The following CTNNA2 variants were observed in gnomAD, a reference collection of about 807,000 sequenced individuals.
CTNNA2 encodes the protein catenin alpha-2.
In CTNNA2, 42 loss-of-function variants were observed where a neutral mutation model predicts 101.0. That is an observed-to-expected ratio of 0.42 (90% CI 0.32 to 0.54). The LOEUF is 0.54. Among genes scored for constraint, CTNNA2 ranks in the 20% least tolerant of loss-of-function variants. The pLI is 0.14. For synonymous variants in CTNNA2, 450 were observed against 456.4 expected, an observed-to-expected ratio of 0.99 and a Z score of 0.18; for missense variants, 871 against 1,223.1, an observed-to-expected ratio of 0.71 and a Z score of 4.29.
At chr2:79,474,415 C>T (rs776084149) in intron 4 of CTNNA2, among the ~76,000 whole-genome samples, 1 of 152,050 alleles carries the variant, frequency 6.6e-6, no homozygotes, top group Non-Finnish European at 1.5e-5. Flanking sequence ...CTGCATATGA[C>T]ATGGTTTCAT....
intron 7 of CTNNA2, among the ~76,000 whole-genome samples, chr2:80,009,112 A>G (rs1363242334): frequency 6.6e-6 from 1 of 152,210 alleles, no homozygotes; most frequent in Non-Finnish European, 1.5e-5. Flanking sequence ...AGAGGACAGA[A>G]TGAAAGGCAG....
chr2:80,373,334 G>A (rs1442794384), intron 7 of CTNNA2, among the ~76,000 whole-genome samples: 1 of 152,160 alleles, frequency 6.6e-6, no homozygotes, highest in Non-Finnish European at 1.5e-5. Flanking sequence ...CAAGCACACA[G>A]CTACCCACTG....
chr2:80,448,843 C>T (rs976781142), intron 9 of CTNNA2, among the ~76,000 whole-genome samples: 2 of 151,946 alleles, frequency 1.3e-5, no homozygotes, highest in African/African-American at 4.8e-5. Flanking sequence ...GACAGGGCAG[C>T]GATATTGCCT....
intron 7 of CTNNA2, among the ~76,000 whole-genome samples, chr2:79,916,216 C>T (rs78257379): frequency 1.6e-4 from 25 of 152,182 alleles, no homozygotes; most frequent in Non-Finnish European, 2.9e-4. Context: ...TGTGGGCAAT[C>T]GAGATCGAAT....
chr2:79,313,961 A>T (rs1676439492), intron 3 of CTNNA2, among the ~76,000 whole-genome samples: 1 of 152,156 alleles, frequency 6.6e-6, no homozygotes, highest in African/African-American at 2.4e-5. Flanking sequence ...AGCCTCTCTC[A>T]CATGGGGACT....
chr2:80,311,905 A>G (rs1034677597), intron 7 of CTNNA2, among the ~76,000 whole-genome samples: 1 of 152,240 alleles, frequency 6.6e-6, no homozygotes, highest in Non-Finnish European at 1.5e-5. Flanking sequence ...CTATCACTTT[A>G]CCAAGACATT....
At chr2:79,490,800 C>T (rs1438516473) in intron 4 of CTNNA2, among the ~76,000 whole-genome samples, 4 of 151,914 alleles carry the variant, frequency 2.6e-5, no homozygotes, top group African/African-American at 9.7e-5. Context: ...TGTTATGATC[C>T]CTTAGAGGAG....
chr2:80,142,910 G>A (rs1369835857), intron 7 of CTNNA2, among the ~76,000 whole-genome samples: 2 of 145,850 alleles, frequency 1.4e-5, no homozygotes, highest in East Asian at 2.0e-4. Context: ...ATTAACTACC[G>A]TTGACAATGC....
At chr2:80,646,384 C>G (rs534139977) in intron 18 of CTNNA2, among the ~76,000 whole-genome samples, 45 of 152,220 alleles carry the variant, frequency 3.0e-4, no homozygotes, top group Admixed American at 2.8e-3. Context: ...AAAGATCAGA[C>G]TATGCTCAAA....
chr2:79,398,865 A>T (rs940788685), intron 4 of CTNNA2, among the ~76,000 whole-genome samples: 5 of 151,938 alleles, frequency 3.3e-5, no homozygotes, highest in African/African-American at 9.7e-5. Flanking sequence ...AAAAAAAAGA[A>T]AAAAAGTTGA....
chr2:80,125,258 G>A (rs1702050554), intron 7 of CTNNA2, among the ~76,000 whole-genome samples: 1 of 152,070 alleles, frequency 6.6e-6, no homozygotes, highest in Non-Finnish European at 1.5e-5. Context: ...TGACAAGTCT[G>A]GGCTCAATCA....
intron 9 of CTNNA2, among the ~76,000 whole-genome samples, chr2:80,491,965 TG>T (rs1389251992): frequency 6.6e-6 from 1 of 151,896 alleles, no homozygotes; most frequent in Non-Finnish European, 1.5e-5. Flanking sequence ...AGGAGAGAGG[TG>T]GGCAAACAGA....
chr2:79,809,499 T>G (rs35354826), intron 3 of CTNNA2, among the ~76,000 whole-genome samples: 29,123 of 152,182 alleles, frequency 0.19, 3,270 homozygotes, highest in African/African-American at 0.31. Context: ...GCATGAGATG[T>G]TATCTCATGT....
intron 7 of CTNNA2, among the ~76,000 whole-genome samples, chr2:80,343,198 G>T (rs1318263548): frequency 6.6e-6 from 1 of 152,114 alleles, no homozygotes; most frequent in Non-Finnish European, 1.5e-5. Context: ...CAGTTGGAGA[G>T]ACACAATTCA....
intron 7 of CTNNA2, among the ~76,000 whole-genome samples, chr2:80,031,101 AG>A (rs1695258864): frequency 6.6e-6 from 1 of 152,204 alleles, no homozygotes; most frequent in African/African-American, 2.4e-5. Flanking sequence ...TCCCATTTCC[AG>A]GCATAAATCC....
chr2:79,751,332 G>A (rs1477996871), intron 3 of CTNNA2, among the ~76,000 whole-genome samples: 2 of 152,122 alleles, frequency 1.3e-5, no homozygotes, highest in Non-Finnish European at 2.9e-5. Flanking sequence ...GGTGGCACAT[G>A]CCTGTAATCC....
chr2:79,373,106 C>T (rs550518962), intron 3 of CTNNA2, among the ~76,000 whole-genome samples: 32 of 152,190 alleles, frequency 2.1e-4, no homozygotes, highest in East Asian at 9.7e-4. Flanking sequence ...TAATGGTTTG[C>T]GTTGTGAATT....
At chr2:79,863,605 A>G (rs1040975359) in intron 4 of CTNNA2, among the ~76,000 whole-genome samples, 4 of 152,238 alleles carry the variant, frequency 2.6e-5, no homozygotes, top group African/African-American at 9.6e-5. Context: ...AATAATTCTT[A>G]ACACTAATAG....
At chr2:79,400,909 C>G (rs1384655467) in intron 4 of CTNNA2, among the ~76,000 whole-genome samples, 3 of 151,942 alleles carry the variant, frequency 2.0e-5, no homozygotes, top group Admixed American at 6.6e-5. Flanking sequence ...AGCAAGTCAT[C>G]ATGTGTAATC....
Sources: gnomAD v4.1 joint callset for allele counts (sites outside exome capture counted in the v4.1 genomes callset) on GRCh38, gnomAD v4.1.1 for gene constraint, MANE v1.5 for transcripts, NCBI Gene and HGNC (gene_info 2026-07-23, HGNC 2026-07-21) for gene names.